The following PDE4D variants were observed in gnomAD, a reference collection of about 807,000 sequenced individuals.
PDE4D encodes phosphodiesterase 4D, also known as 3',5'-cyclic-AMP phosphodiesterase 4D.
PDE4D carries 24 observed loss-of-function variants against 87.4 expected under a neutral mutation model. The ratio of observed to expected loss-of-function variants is 0.27; its 90% CI spans 0.20 to 0.39. The LOEUF (loss-of-function observed/expected upper bound fraction) is 0.39, where lower values mean the gene tolerates loss of function less well. Among genes scored for constraint, PDE4D ranks in the 10% least tolerant of loss-of-function variants. PDE4D has a pLI of 1.00. For synonymous variants in PDE4D, 384 were observed against 383.2 expected (o/e 1.00, Z -0.02); for missense variants, 714 against 1,041.0 (o/e 0.69, Z 4.32).
chr5:59,150,592 C>T (rs1347598974), intron 5 of PDE4D, among the ~76,000 whole-genome samples: 2 of 152,060 alleles, frequency 1.3e-5, no homozygotes, highest in African/African-American at 4.8e-5. Flanking sequence ...TGATTAGGGC[C>T]TGGCACATGG....
intron 1 of PDE4D, among the ~76,000 whole-genome samples, chr5:60,498,541 T>C (rs1022610521): frequency 2.0e-5 from 3 of 152,310 alleles, no homozygotes; most frequent in East Asian, 3.9e-4. Flanking sequence ...GCCAGCATCC[T>C]AGCTGCTAAG....
At chr5:59,189,232 G>GTTTTTTTTTTTT (rs34203891) in intron 3 of PDE4D, among the ~76,000 whole-genome samples, 1 of 99,898 alleles carries the variant, frequency 1.0e-5, no homozygotes, top group Non-Finnish European at 2.1e-5. Flanking sequence ...TTCCTACCCC[G>GTTTTTTTTTTTT]TTTTTTTTTT....
intron 2 of PDE4D, among the ~76,000 whole-genome samples, chr5:59,203,834 G>C (rs1033729909): frequency 2.6e-5 from 4 of 152,170 alleles, no homozygotes; most frequent in African/African-American, 9.7e-5. Flanking sequence ...TGTTCCCAGG[G>C]ACTGGAGCAG....
rs148048457 is a variant in PDE4D, at chr5:60,121,813, T to G, written c.42+63744A>C. ...CTGAAAGTCTTAACTCATTTCAGCATTAACCCAAAAGTCAACAGTCCAAAG... is the reference window on the plus strand; with the variant it reads ...CTGAAAGTCTTAACTCATTTCAGCAGTAACCCAAAAGTCAACAGTCCAAAG... On this transcript the variant is annotated intron_variant, in intron 2 of 16. Transcript: ENST00000502484. Among the ~76,000 whole-genome samples, 759 of 152,300 alleles carry G rather than the reference T, an allele frequency of 5.0e-3. 8 individuals are homozygous for G. Among genetic ancestry groups the G allele is most frequent in the Non-Finnish European group, 6.6e-3 (447 of 68,018 alleles).
intron 1 of PDE4D, among the ~76,000 whole-genome samples, chr5:59,728,156 G>A (rs948264513): frequency 6.6e-6 from 1 of 152,006 alleles, no homozygotes; most frequent in Non-Finnish European, 1.5e-5. Flanking sequence ...GCTTAGACAC[G>A]TTAAATGTCT....
intron 2 of PDE4D, among the ~76,000 whole-genome samples, chr5:60,102,513 C>G (rs142056558): frequency 4.7e-3 from 716 of 152,174 alleles, no homozygotes; most frequent in Non-Finnish European, 7.3e-3. Flanking sequence ...AAACAGTGCT[C>G]TAAATAAATT....
At chr5:60,475,799 C>A in intron 1 of PDE4D, among the ~76,000 whole-genome samples, 1 of 135,008 alleles carries the variant, frequency 7.4e-6, no homozygotes, top group Admixed American at 8.1e-5. Context: ...TCTCTATGAA[C>A]TTCACTTCTC....
chr5:60,077,150 G>T (rs911251182), intron 2 of PDE4D, among the ~76,000 whole-genome samples: 1 of 152,216 alleles, frequency 6.6e-6, no homozygotes, highest in African/African-American at 2.4e-5. Context: ...TGCTGGCAAA[G>T]GCAGGGCTGG....
chr5:60,061,613 C>T (rs1771412094), intron 2 of PDE4D, among the ~76,000 whole-genome samples: 1 of 152,094 alleles, frequency 6.6e-6, no homozygotes, highest in South Asian at 2.1e-4. Flanking sequence ...ATAAAAGAGC[C>T]CGTATAGCCA....
intron 1 of PDE4D, among the ~76,000 whole-genome samples, chr5:60,407,343 C>T (rs999755325): frequency 1.3e-5 from 2 of 151,662 alleles, no homozygotes; most frequent in Admixed American, 6.6e-5. Flanking sequence ...CCTGGATCCG[C>T]GCAGTCACAA....
chr5:59,364,023 C>CA (rs1264745638), intron 1 of PDE4D, among the ~76,000 whole-genome samples: 1 of 152,178 alleles, frequency 6.6e-6, no homozygotes, highest in Non-Finnish European at 1.5e-5. Context: ...CCAAAGGTAA[C>CA]AATGTGCTAG....
chr5:59,665,421 A>G (rs1171357330), intron 1 of PDE4D, among the ~76,000 whole-genome samples: 1 of 152,304 alleles, frequency 6.6e-6, no homozygotes, highest in African/African-American at 2.4e-5. Flanking sequence ...TCACTGAACC[A>G]TTTTTATTTT....
chr5:59,420,445 C>T (rs1043265144), intron 1 of PDE4D, among the ~76,000 whole-genome samples: 1 of 152,136 alleles, frequency 6.6e-6, no homozygotes, highest in African/African-American at 2.4e-5. Flanking sequence ...CTGGAATGTC[C>T]TGCTTCCACA....
intron 1 of PDE4D, among the ~76,000 whole-genome samples, chr5:60,439,928 C>CAA (rs1204966264): frequency 8.4e-6 from 1 of 119,550 alleles, no homozygotes; most frequent in African/African-American, 3.7e-5. Flanking sequence ...AAAAAAAAAA[C>CAA]AAAAAAAAAA....
chr5:60,035,353 A>G (rs1053913814), intron 2 of PDE4D, among the ~76,000 whole-genome samples: 1 of 151,790 alleles, frequency 6.6e-6, no homozygotes, highest in Non-Finnish European at 1.5e-5. Context: ...TTTTGCATTC[A>G]TTATTGTACT....
At chr5:59,428,893 T>C (rs1795703993) in intron 1 of PDE4D, among the ~76,000 whole-genome samples, 1 of 152,198 alleles carries the variant, frequency 6.6e-6, no homozygotes, top group Non-Finnish European at 1.5e-5. Flanking sequence ...AAAGAAAAGA[T>C]GGATCTGGTA....
At chr5:59,691,811 A>C (rs1472344813) in intron 1 of PDE4D, among the ~76,000 whole-genome samples, 4 of 152,068 alleles carry the variant, frequency 2.6e-5, no homozygotes, top group Non-Finnish European at 5.9e-5. Flanking sequence ...TATAATAATG[A>C]AAGTTGTATG....
intron 1 of PDE4D, among the ~76,000 whole-genome samples, chr5:60,500,187 C>T (rs1053056520): frequency 3.3e-5 from 5 of 151,986 alleles, no homozygotes; most frequent in African/African-American, 1.2e-4. Flanking sequence ...ACCTGTGGTC[C>T]CAGCTACTGG....
At chr5:59,213,668 T>A (rs1374455314) in intron 2 of PDE4D, among the ~76,000 whole-genome samples, 1 of 152,094 alleles carries the variant, frequency 6.6e-6, no homozygotes, top group Non-Finnish European at 1.5e-5. Flanking sequence ...TTTGCTCACA[T>A]TTCCACTTTC....
Sources: allele counts gnomAD v4.1 joint callset (sites outside exome capture counted in the v4.1 genomes callset), GRCh38; gene constraint gnomAD v4.1.1; transcripts MANE v1.5; gene names NCBI Gene and HGNC (gene_info 2026-07-23, HGNC 2026-07-21).